KCNK13: variants seen among roughly 807,000 people sequenced by gnomAD.
KCNK13 encodes the protein potassium channel subfamily K member 13.
Under a neutral mutation model 23.4 loss-of-function variants are expected in KCNK13, and 12 were observed. That is an observed-to-expected ratio of 0.51 (90% confidence interval 0.33 to 0.83). KCNK13 has a LOEUF of 0.83. Ranked by LOEUF, KCNK13 falls within the 40% of genes least tolerant of loss-of-function variation. The probability of loss-of-function intolerance (pLI) is 0.02; values close to 1 mark genes in which losing one functional copy is unlikely to be tolerated. For synonymous variants in KCNK13, 231 were observed against 229.5 expected, an observed-to-expected ratio of 1.01 and a Z score of -0.06; for missense variants, 463 against 556.3, an observed-to-expected ratio of 0.83 and a Z score of 1.69.
chr14:90,118,780 T>C (rs770742311), intron 1 of KCNK13, among the ~76,000 whole-genome samples: 4 of 152,110 alleles, frequency 2.6e-5, no homozygotes, highest in Non-Finnish European at 4.4e-5. Context: ...TTTTTAAAAA[T>C]AACCAAAATC....
At chr14:90,161,955 G>T (rs1299039379) in intron 1 of KCNK13, among the ~76,000 whole-genome samples, 2 of 152,162 alleles carry the variant, frequency 1.3e-5, no homozygotes, top group African/African-American at 4.8e-5. Flanking sequence ...CAGGAAGGAG[G>T]ATTGTGTGAG....
intron 1 of KCNK13, among the ~76,000 whole-genome samples, chr14:90,116,989 A>G (rs1317315152): frequency 6.6e-6 from 1 of 152,232 alleles, no homozygotes; most frequent in Non-Finnish European, 1.5e-5. Flanking sequence ...TCCTGCACAT[A>G]CGTATCTATA....
chr14:90,126,082 T>C (rs1056030492), intron 1 of KCNK13, among the ~76,000 whole-genome samples: 4 of 151,646 alleles, frequency 2.6e-5, no homozygotes, highest in African/African-American at 9.7e-5. Flanking sequence ...GGAAAATACT[T>C]AATTGGAAAG....
At chr14:90,101,947 G>A (rs549128675) in intron 1 of KCNK13, among the ~76,000 whole-genome samples, 62 of 151,300 alleles carry the variant, frequency 4.1e-4, no homozygotes, top group African/African-American at 1.4e-3. Context: ...GCAATGGCGC[G>A]AACTTGGCTC....
chr14:90,137,617 G>A (rs1047530542), intron 1 of KCNK13, among the ~76,000 whole-genome samples: 7 of 152,070 alleles, frequency 4.6e-5, no homozygotes, highest in East Asian at 1.9e-4. Flanking sequence ...CACCGTACCC[G>A]GCCCCAGTCT....
intron 1 of KCNK13, among the ~76,000 whole-genome samples, chr14:90,085,736 T>C (rs926877843): frequency 9.3e-5 from 13 of 139,142 alleles, no homozygotes; most frequent in African/African-American, 3.2e-4. Context: ...AATATATATA[T>C]ACTTATATAA....
chr14:90,125,601 A>ACACACACACG (rs1367304045), intron 1 of KCNK13, among the ~76,000 whole-genome samples: 2 of 42,984 alleles, frequency 4.7e-5, no homozygotes, highest in Non-Finnish European at 9.7e-5. Flanking sequence ...ACACACACGC[A>ACACACACACG]CACACACACA....
At chr14:90,103,431 G>A (rs1314897764) in intron 1 of KCNK13, among the ~76,000 whole-genome samples, 8 of 152,034 alleles carry the variant, frequency 5.3e-5, no homozygotes, top group East Asian at 1.9e-4. Flanking sequence ...CTGCAGCCTC[G>A]CCAGCATCTG....
intron 1 of KCNK13, among the ~76,000 whole-genome samples, chr14:90,128,336 AC>A (rs1408847382): frequency 6.6e-6 from 1 of 152,158 alleles, no homozygotes; most frequent in Non-Finnish European, 1.5e-5. Context: ...AACAAACAAA[AC>A]AAAATTTTTA....
chr14:90,096,254 C>T (rs1349489763), intron 1 of KCNK13, among the ~76,000 whole-genome samples: 2 of 152,126 alleles, frequency 1.3e-5, no homozygotes, highest in African/African-American at 4.8e-5. Flanking sequence ...CGGTGTGGGG[C>T]TTTAAGTCCC....
intron 1 of KCNK13, among the ~76,000 whole-genome samples, chr14:90,154,388 C>A (rs758519140): frequency 2.6e-5 from 4 of 151,928 alleles, no homozygotes; most frequent in Non-Finnish European, 5.9e-5. Context: ...TGCTCTCCTA[C>A]CCATAATGCC....
At chr14:90,076,521 C>T (rs1433489266) in intron 1 of KCNK13, among the ~76,000 whole-genome samples, 2 of 152,178 alleles carry the variant, frequency 1.3e-5, no homozygotes, top group Non-Finnish European at 2.9e-5. Context: ...TGTCCCCCAA[C>T]CCCCATCTGT....
intron 1 of KCNK13, among the ~76,000 whole-genome samples, chr14:90,090,541 A>C: frequency 6.6e-6 from 1 of 152,324 alleles, no homozygotes; most frequent in Non-Finnish European, 1.5e-5. Context: ...GTTAATGCTG[A>C]AATGAGTTAA....
At chr14:90,122,173 AT>A (rs913131365) in intron 1 of KCNK13, among the ~76,000 whole-genome samples, 2 of 151,770 alleles carry the variant, frequency 1.3e-5, no homozygotes, top group African/African-American at 4.8e-5. Flanking sequence ...GATTTTCACT[AT>A]TTTTTTCAGT....
intron 1 of KCNK13, among the ~76,000 whole-genome samples, chr14:90,165,906 T>C (rs1890297127): frequency 6.6e-6 from 1 of 152,114 alleles, no homozygotes; most frequent in East Asian, 1.9e-4. Flanking sequence ...AAATGAAACG[T>C]TTTGAATTCC....
chr14:90,086,515 C>T (rs530986949), intron 1 of KCNK13, among the ~76,000 whole-genome samples: 14 of 152,200 alleles, frequency 9.2e-5, no homozygotes, highest in Admixed American at 5.2e-4. Flanking sequence ...CCTATGGCCC[C>T]GGTTCAGTAT....
intron 1 of KCNK13, among the ~76,000 whole-genome samples, chr14:90,085,906 CCTTTTTCCTTTT>C (rs1889271031): frequency 7.0e-6 from 1 of 143,250 alleles, no homozygotes; most frequent in Non-Finnish European, 1.5e-5. Flanking sequence ...TTTCTTGTGC[CCTTTTTCCTTTT>C]CTTATGCCCT....
At chr14:90,071,234 G>A (rs1382219440) in intron 1 of KCNK13, among the ~76,000 whole-genome samples, 1 of 152,064 alleles carries the variant, frequency 6.6e-6, no homozygotes, top group African/African-American at 2.4e-5. Context: ...GGCTCCTTGG[G>A]GTCCTGTCCA....
intron 1 of KCNK13, among the ~76,000 whole-genome samples, chr14:90,066,000 G>A (rs1889003703): frequency 6.6e-6 from 1 of 152,176 alleles, no homozygotes; most frequent in Non-Finnish European, 1.5e-5. Context: ...GTCTTGCCCT[G>A]TCACCTAGGC....
Sources: gnomAD v4.1 joint callset for allele counts (sites outside exome capture counted in the v4.1 genomes callset) on GRCh38, gnomAD v4.1.1 for gene constraint, MANE v1.5 for transcripts, NCBI Gene and HGNC (gene_info 2026-07-23, HGNC 2026-07-21) for gene names.